CYP2D6: variants seen among roughly 807,000 people sequenced by gnomAD.
The protein encoded by CYP2D6 is cytochrome P450 family 2 subfamily D member 6 (gene/pseudogene).
Under a neutral mutation model 43.5 loss-of-function variants are expected in CYP2D6, and 51 were observed. The observed-to-expected ratio is 1.17, with a 90% CI of 0.94 to 1.48. The LOEUF is 1.48. Ranked by LOEUF, CYP2D6 falls within the 40% of genes most tolerant of loss-of-function variation. The pLI is 0.00. For missense variants in CYP2D6, 698 were observed against 688.0 expected (o/e 1.01, Z -0.16); for synonymous variants, 346 against 297.1 (o/e 1.16, Z -1.69).
chr22:42,129,398 T>A (rs1016502868), intron 2 of CYP2D6: 19 of 826,016 alleles, frequency 2.3e-5, no homozygotes, highest in Middle Eastern at 2.1e-4. Context: ...GCCTTTGCAC[T>A]CAGGGAAGAC....
In CYP2D6 at chr22:42,127,897, G is replaced by A; in HGVS notation, c.930C>T (p.Thr310=). The part of the protein sequence containing the change: ...ADLFSAGMVT[T]STTLAWGLLL... Reference sequence around the variant, plus strand: ...GGAGGCCCCAGGCCAGCGTGGTCGAGGTGGTCACCATCCCGGCAGAGAACA... The same window carrying A: ...GGAGGCCCCAGGCCAGCGTGGTCGAAGTGGTCACCATCCCGGCAGAGAACA... The change falls in exon 6 of 9, where the codon ACC becomes ACT. Residue 310 remains threonine (T), a synonymous_variant. Coordinates refer to ENST00000645361, the MANE Select transcript of CYP2D6 (RefSeq NM_000106.6). 1 of 1,611,104 alleles carries A rather than the reference G, an allele frequency of 6.2e-7. No individual in the cohort carries two copies. Among genetic ancestry groups the A allele is most frequent in the African/African-American group, 1.3e-5 (1 of 74,460 alleles).
At chr22:42,127,332 G>A (rs1230655885) in intron 7 of CYP2D6, 115 bp downstream of exon 7, 3 of 1,227,826 alleles carry the variant, frequency 2.4e-6, no homozygotes, top group Non-Finnish European at 3.5e-6. Flanking sequence ...TCAGTGTGGT[G>A]GCATTGAGGA....
chr22:42,128,274 A>G lies in CYP2D6; in HGVS notation c.743T>C (p.Leu248Pro). ...AGTTAGCAGCTCATCCAGCTGGGTC[A>G]GGAAAGCCTTTTGGAAGCGTAGGAC... is the stretch of plus-strand genomic sequence containing the variant. ...GKVLRFQKAF[L>P]TQLDELLTEH... The change falls in exon 5 of 9, where the codon CTG becomes CCG. Residue 248 changes from leucine (L) to proline (P), a missense_variant. Around this residue, in one of 5 missense-constraint regions of CYP2D6, gnomAD observed 588 missense variants for 521.1 expected, o/e 1.13. Transcript: ENST00000645361. 6 of 1,610,676 alleles carry G rather than the reference A, an allele frequency of 3.7e-6. No homozygotes were observed. Among genetic ancestry groups the G allele is most frequent in the Non-Finnish European group, 5.1e-6 (6 of 1,177,980 alleles).
rs753307041 is a variant in CYP2D6, at chr22:42,128,264, C to T, written c.753G>A (p.Leu251=). The T allele has an allele frequency of 1.9e-6, 3 of 1,610,670 alleles. No homozygotes were observed. The highest frequency in any genetic ancestry group is 1.7e-5 in the Admixed American group (1 of 59,876). ...LRFQKAFLTQ[L]DELLTEHRMT... ...TCCTGTGCTCAGTTAGCAGCTCATC[C>T]AGCTGGGTCAGGAAAGCCTTTTGGA... The change falls in exon 5 of 9, where the codon CTG becomes CTA. Residue 251 remains leucine, a synonymous_variant. Transcript: ENST00000645361.
chr22:42,127,928 G>T lies in CYP2D6; in HGVS notation c.899C>A (p.Ala300Asp), dbSNP rs1058170. The T allele has an allele frequency of 1.1e-5, 17 of 1,611,234 alleles. 1 individual carries two copies. Among genetic ancestry groups the T allele is most frequent in the Non-Finnish European group, 1.3e-5 (15 of 1,178,190 alleles). Residue 300 changes from alanine (A) to aspartate (D), a missense_variant, in exon 6 of 9, where the codon GCT (alanine) becomes GAT (aspartate). Physicochemically the swap from Ala to Asp is moderately radical, Grantham distance 126 (BLOSUM62 -2). Around this residue, in one of 5 missense-constraint regions of CYP2D6, gnomAD observed 588 missense variants for 521.1 expected, o/e 1.13. Transcript: ENST00000645361. ...CACCATCCCGGCAGAGAACAGGTCA[G>T]CCACCACTATGCGCAGGTTCTCATC... ...FNDENLRIVVADLFSAGMVTT... is the reference protein window; with the variant it reads ...FNDENLRIVVDDLFSAGMVTT...
In CYP2D6 at chr22:42,130,708, G is replaced by A. The variant is rs28448769; in HGVS notation, c.84C>T (p.Arg28=). The A allele has an allele frequency of 6.2e-7, 1 of 1,604,414 alleles. No homozygotes were observed. The highest frequency in any genetic ancestry group is 8.5e-7 in the Non-Finnish European group (1 of 1,175,050). The change falls in exon 1 of 9, where the codon CGC becomes CGT. Residue 28 remains arginine (R), a synonymous_variant. Coordinates refer to ENST00000645361, the MANE Select transcript of CYP2D6 (RefSeq NM_000106.6). ...GGCCTGGTGGGTAGCGTGCAGCCCA[G>A]CGTTGGCGCCGGTGCATCAGGTCCA... The part of the protein sequence containing the change: ...LLVDLMHRRQ[R]WAARYPPGPL...
In CYP2D6 at chr22:42,129,807, C is replaced by T. The variant is rs759234339; in HGVS notation, c.283G>A (p.Gly95Ser). 8.7e-6 allele frequency: 14 copies of T among 1,605,502 alleles called. 1 individual carries two copies. Among genetic ancestry groups the T allele is most frequent in the South Asian group, 3.3e-5 (3 of 90,772 alleles). ...AAVREALVTHGEDTADRPPVP... is the reference protein window; with the variant it reads ...AAVREALVTHSEDTADRPPVP... ...GGCGGGCGGTCGGCGGTGTCCTCGC[C>T]GTGGGTCACCAGCGCCTCGCGCACG... The change falls in exon 2 of 9, where the codon GGC becomes AGC. Residue 95 changes from glycine (G) to serine (S), a missense_variant. Coordinates refer to ENST00000645361, the MANE Select transcript of CYP2D6 (RefSeq NM_000106.6).
In CYP2D6 at chr22:42,130,698, G is replaced by C. The variant is rs762378491; in HGVS notation, c.94C>G (p.Arg32Gly). The C allele has an allele frequency of 6.2e-7, 1 of 1,606,092 alleles. No homozygotes were observed. The highest frequency in any genetic ancestry group is 8.5e-7 in the Non-Finnish European group (1 of 1,175,906). Residue 32 changes from arginine (R) to glycine (G), a missense_variant, in exon 1 of 9, where the codon CGC (arginine) becomes GGC (glycine). By Grantham distance (125) the Arg-to-Gly change is moderately radical. This residue lies in a region of CYP2D6 where 588 missense variants were observed against 521.1 expected (regional missense o/e 1.13). Coordinates refer to ENST00000645361, the MANE Select transcript of CYP2D6 (RefSeq NM_000106.6). ...LMHRRQRWAA[R>G]YPPGPLPLPG... is the part of the protein sequence containing the mutation. ...AGTGGCAGGGGGCCTGGTGGGTAGC[G>C]TGCAGCCCAGCGTTGGCGCCGGTGC...
intron 5 of CYP2D6, 46 bp from the exon 6 acceptor site, chr22:42,128,029 C>T (rs749682857): frequency 1.2e-6 from 2 of 1,610,078 alleles, no homozygotes; most frequent in African/African-American, 2.7e-5. Context: ...GGGTAGCCCC[C>T]AAATGACCTC....
rs1135840 is a variant in CYP2D6, at chr22:42,126,611, C to G, written c.1457G>C (p.Ser486Thr). The stretch of plus-strand genomic sequence containing the variant: ...AGCACAAAGCTCATAGGGGGATGGG[C>G]TCACCAGGAAAGCAAAGACACCATG... ...SHHGVFAFLV[S>T]PSPYELCAVP... Residue 486 changes from serine (S) to threonine (T), a missense_variant, in exon 9 of 9, where the codon AGC (serine) becomes ACC (threonine). This residue lies in a region of CYP2D6 where 85 missense variants were observed against 81.2 expected (regional missense o/e 1.05). Coordinates refer to ENST00000645361, the MANE Select transcript of CYP2D6 (RefSeq NM_000106.6). 0.55 allele frequency: 889,249 copies of G among 1,604,654 alleles called. 260,369 individuals carry two copies. The highest frequency in any genetic ancestry group is 0.65 in the African/African-American group (47,574 of 73,458).
Position 42,129,831 on chromosome 22 carries a change from C to T in CYP2D6, c.259G>A (p.Val87Met), listed in dbSNP as rs1198309616. ...CCGTGGGTCACCAGCGCCTCGCGCA[C>T]GGCCGCCAGCCCATTGAGCACGACC... ...PVVVLNGLAA[V>M]REALVTHGED... The change falls in exon 2 of 9, where the codon GTG becomes ATG. Residue 87 changes from valine (V) to methionine (M), a missense_variant. Val to Met is a conservative substitution (Grantham distance 21). Around this residue, in one of 5 missense-constraint regions of CYP2D6, gnomAD observed 588 missense variants for 521.1 expected, o/e 1.13. Transcript: ENST00000645361. 13 of 1,598,854 alleles carry T rather than the reference C, an allele frequency of 8.1e-6. 1 individual carries two copies. The highest frequency in any genetic ancestry group is 6.6e-5 in the South Asian group (6 of 90,596).
At chr22:42,129,227 T>G in intron 2 of CYP2D6, 42 bp from the exon 3 acceptor site, 1 of 1,591,812 alleles carries the variant, frequency 6.3e-7, no homozygotes, top group Non-Finnish European at 8.5e-7. Context: ...ATGAAGGCAT[T>G]AGCCCCACCA....
In CYP2D6 at chr22:42,129,141, G is replaced by A. The variant is rs1230912765; in HGVS notation, c.397C>T (p.Arg133Cys). Residue 133 changes from arginine (R) to cysteine (C), a missense_variant, in exon 3 of 9, where the codon CGC becomes TGC. Physicochemically the swap from Arg to Cys is radical, Grantham distance 180. This residue lies in a region of CYP2D6 where 588 missense variants were observed against 521.1 expected (regional missense o/e 1.13). Transcript: ENST00000645361. ...TTGCGCAAGGTGGACACGGAGAAGC[G>A]CCTCTGCTCGCGCCACGCGGGCCCA... The part of the protein sequence containing the change: ...RYGPAWREQR[R>C]FSVSTLRNLG... 1.2e-6 allele frequency: 2 copies of A among 1,609,310 alleles called. No homozygotes were observed. The highest frequency in any genetic ancestry group is 1.7e-5 in the Admixed American group (1 of 59,892).
At position 42,127,115 on chromosome 22, in the gene CYP2D6, G is replaced by A. The variant is rs1299999590; in HGVS notation, c.1174-123C>T. 64 of 1,269,814 alleles carry A rather than the reference G, an allele frequency of 5.0e-5. No individual in the cohort carries two copies. In the African/African-American group the frequency reaches 6.1e-4, roughly 12 times the overall value. The allele number at this position is 1,269,814 out of a possible 1,614,324, so 78.7% of individuals were successfully genotyped here. ...GCTGGACTCTGTCAACTAGTCCTGC[G>A]CCCGAGAAGCTCCACAGTACCCTCT... On this transcript the variant is annotated intron_variant, in intron 7 of 8. Coordinates refer to ENST00000645361, the MANE Select transcript of CYP2D6 (RefSeq NM_000106.6).
At position 42,129,146 on chromosome 22, in the gene CYP2D6, T is replaced by A. The variant is rs1053431848; in HGVS notation, c.392A>T (p.Gln131Leu). The A allele has an allele frequency of 1.8e-5, 29 of 1,609,138 alleles. 1 individual carries two copies. Among genetic ancestry groups the A allele is most frequent in the Non-Finnish European group, 2.1e-5 (25 of 1,178,060 alleles). ...CAAGGTGGACACGGAGAAGCGCCTC[T>A]GCTCGCGCCACGCGGGCCCATAGCG... ...LARYGPAWREQRRFSVSTLRN... is the reference protein window; with the variant it reads ...LARYGPAWRELRRFSVSTLRN... The change falls in exon 3 of 9, where the codon CAG becomes CTG. Residue 131 changes from glutamine to leucine, a missense_variant. Gln to Leu is a moderately radical substitution (Grantham distance 113, BLOSUM62 -2). Coordinates refer to ENST00000645361, the MANE Select transcript of CYP2D6 (RefSeq NM_000106.6).
chr22:42,127,436 G>A lies in CYP2D6; in HGVS notation c.1173+11C>T, dbSNP rs201647259. 2.6e-5 allele frequency: 41 copies of A among 1,598,000 alleles called. No homozygotes were observed. Among genetic ancestry groups the A allele is most frequent in the South Asian group, 8.9e-5 (8 of 90,338 alleles). On this transcript the variant is annotated intron_variant, in intron 7 of 8. Coordinates refer to ENST00000645361, the MANE Select transcript of CYP2D6 (RefSeq NM_000106.6). ...GGTGCTGAGCTGGGGTGAGGAGGGCGCCAGGCCTACCTTAGGGATGCGGAA... is the reference window on the plus strand; with the variant it reads ...GGTGCTGAGCTGGGGTGAGGAGGGCACCAGGCCTACCTTAGGGATGCGGAA...
rs267608304 is a variant in CYP2D6 at position 42,129,184 on chromosome 22, C to T, written c.354G>A (p.Gly118=). 13 of 1,603,958 alleles carry T rather than the reference C, an allele frequency of 8.1e-6. No homozygotes were observed. The highest frequency in any genetic ancestry group is 9.3e-6 in the Non-Finnish European group (11 of 1,177,844). Residue 118 remains glycine, a splice_region_variant and synonymous_variant, in exon 3 of 9, where the codon GGG becomes GGA. Transcript: ENST00000645361. ...QILGFGPRSQ[G]VFLARYGPAW... ...CGGGCCCATAGCGCGCCAGGAACAC[C>T]CCTGGGGGTGGGACGGGCACGTGCG...
In CYP2D6 at chr22:42,128,156, C is replaced by T. The variant is rs533063276; in HGVS notation, c.843+18G>A. On this transcript the variant is annotated intron_variant, in intron 5 of 8. Coordinates refer to ENST00000645361, the MANE Select transcript of CYP2D6 (RefSeq NM_000106.6). ...TCAACCCACCACCCTTGCCCCCCAC[C>T]GTGGCAGCCACTCTCACCTTCTCCA... 3.3e-4 allele frequency: 526 copies of T among 1,596,774 alleles called. 1 individual carries two copies. The highest frequency in any genetic ancestry group is 3.2e-3 in the Middle Eastern group (19 of 5,990).
chr22:42,129,844 A>G lies in CYP2D6; in HGVS notation c.246T>C (p.Asn82=). ...GCGCCTCGCGCACGGCCGCCAGCCC[A>G]TTGAGCACGACCACCGGCGTCCAGG... ...QLAWTPVVVL[N]GLAAVREALV... Residue 82 remains asparagine (N), a synonymous_variant, in exon 2 of 9, where the codon AAT becomes AAC. Coordinates refer to ENST00000645361, the MANE Select transcript of CYP2D6 (RefSeq NM_000106.6). 4 of 1,597,736 alleles carry G rather than the reference A, an allele frequency of 2.5e-6. No homozygotes were observed. Among genetic ancestry groups the G allele is most frequent in the South Asian group, 1.1e-5 (1 of 90,502 alleles).
Sources: gnomAD v4.1 joint callset for allele counts on GRCh38, gnomAD v4.1.1 for gene constraint, gnomAD v4.1.1 regional missense constraint, MANE v1.5 for transcripts, NCBI Gene and HGNC (gene_info 2026-07-23, HGNC 2026-07-21) for gene names.